DLG5: variants seen among roughly 807,000 people sequenced by gnomAD.
DLG5 encodes disks large homolog 5.
A neutral mutation model predicts 189.8 loss-of-function variants in DLG5; 48 were observed. The observed-to-expected ratio is 0.25, with a 90% CI of 0.20 to 0.32. The LOEUF is 0.32. Ranked by LOEUF, DLG5 falls within the 10% of genes least tolerant of loss-of-function variation. The pLI, the probability that DLG5 is intolerant of heterozygous loss-of-function variation, is 1.00. For synonymous variants in DLG5, 1,016 were observed against 1,054.1 expected, an observed-to-expected ratio of 0.96 and a Z score of 0.70; for missense variants, 2,160 against 2,544.7, an observed-to-expected ratio of 0.85 and a Z score of 3.25.
At chr10:77,929,528 T>G (rs1846767439), upstream of DLG5, 3 of 152,328 alleles carry the variant, frequency 2.0e-5, no homozygotes, top group South Asian at 6.2e-4. Context: ...TGTAATCTAG[T>G]TCAAATGAGG....
At chr10:77,795,728 T>C (rs1366513779) in intron 29 of DLG5, among the ~76,000 whole-genome samples, 1 of 151,968 alleles carries the variant, frequency 6.6e-6, no homozygotes, top group Non-Finnish European at 1.5e-5. Flanking sequence ...GGCACATGCA[T>C]TTGGGGACCC....
chr10:77,871,736 G>T (rs1249463782), intron 1 of DLG5, among the ~76,000 whole-genome samples: 1 of 151,642 alleles, frequency 6.6e-6, no homozygotes, highest in Non-Finnish European at 1.5e-5. Context: ...TAGAGACAGG[G>T]TTTTGCTATG....
At chr10:77,842,241 G>A in intron 6 of DLG5, 48 bp from the exon 7 acceptor site, 1 of 1,568,306 alleles carries the variant, frequency 6.4e-7, no homozygotes. Flanking sequence ...GCCCTGCCCG[G>A]TCAGTGGCCG....
At chr10:77,859,108 T>C (rs1210124228) in intron 2 of DLG5, among the ~76,000 whole-genome samples, 1 of 152,174 alleles carries the variant, frequency 6.6e-6, no homozygotes, top group East Asian at 1.9e-4. Context: ...ACTTCTGAGC[T>C]CAAGGGATCT....
At chr10:77,825,374 C>CCA (rs59102694) in intron 13 of DLG5, among the ~76,000 whole-genome samples, 13,982 of 130,744 alleles carry the variant, frequency 0.11, 832 homozygotes, top group Middle Eastern at 0.12. Flanking sequence ...CCACACACAA[C>CCA]CACACACACA....
At chr10:77,824,025 G>T (rs961682789) in intron 14 of DLG5, among the ~76,000 whole-genome samples, 2 of 152,156 alleles carry the variant, frequency 1.3e-5, no homozygotes, top group Non-Finnish European at 2.9e-5. Flanking sequence ...GAGCAACCAT[G>T]CCCGGCCATG....
rs367631956 is a variant in DLG5, at chr10:77,819,477, C to A, written c.3527-12G>T. 5.0e-6 allele frequency: 8 copies of A among 1,609,480 alleles called. No individual in the cohort carries two copies. Among genetic ancestry groups the A allele is most frequent in the Non-Finnish European group, 5.1e-6 (6 of 1,178,440 alleles). On this transcript the variant is annotated splice_polypyrimidine_tract_variant and intron_variant, in intron 16 of 31. Coordinates refer to ENST00000372391, the MANE Select transcript of DLG5 (RefSeq NM_004747.4). ...CCGGGGAACAGTGCCTAGAAATGGG[C>A]TTGGTGAGAAAAGACGCCCCAAAGG...
chr10:77,856,934 C>T, intron 2 of DLG5, 42 bp from the exon 3 acceptor site: 1 of 1,581,124 alleles, frequency 6.3e-7, no homozygotes, highest in Non-Finnish European at 8.6e-7. Flanking sequence ...GTTCATCTGG[C>T]ATTCACGAGG....
chr10:77,820,198 T>G, intron 15 of DLG5, 180 bp from the exon 16 acceptor site: 2 of 747,386 alleles, frequency 2.7e-6, no homozygotes, highest in Non-Finnish European at 4.1e-6. Flanking sequence ...ATACAAAAAT[T>G]AGCTGGGCAT....
intron 2 of DLG5, among the ~76,000 whole-genome samples, chr10:77,866,341 G>A (rs1403592195): frequency 2.6e-5 from 4 of 152,324 alleles, no homozygotes; most frequent in Non-Finnish European, 5.9e-5. Context: ...ATGCAGCAGG[G>A]GTGGGAGGAG....
At chr10:77,861,488 G>A (rs534272824) in intron 2 of DLG5, among the ~76,000 whole-genome samples, 2 of 152,312 alleles carry the variant, frequency 1.3e-5, no homozygotes, top group African/African-American at 4.8e-5. Context: ...AGGACAGAAG[G>A]AGGGGCTCAG....
At chr10:77,849,033 A>C (rs1843831736) in intron 5 of DLG5, among the ~76,000 whole-genome samples, 1 of 152,216 alleles carries the variant, frequency 6.6e-6, no homozygotes, top group South Asian at 2.1e-4. Flanking sequence ...AAGAAGGTGC[A>C]CTCGGACTGC....
chr10:77,810,917 A>G (rs1841732752), intron 23 of DLG5, among the ~76,000 whole-genome samples, 177 bp downstream of exon 23: 1 of 152,220 alleles, frequency 6.6e-6, no homozygotes, highest in Non-Finnish European at 1.5e-5. Flanking sequence ...AGAAAGGAAA[A>G]GAGAGAGTAG....
Position 77,821,389 on chromosome 10 carries a change from G to A in DLG5, c.3095C>T (p.Ser1032Phe), listed in dbSNP as rs1422422378. ...IKFQHRLETS[S>F]ESEATLVGSS... ...GCCCACCAGAGTGGCTTCTGACTCG[G>A]AGCTAGTCTCCAGCCTGTGCTGGAA... is the stretch of plus-strand genomic sequence containing the variant. Residue 1032 changes from serine (S) to phenylalanine (F), a missense_variant, in exon 15 of 32, where the codon TCC becomes TTC. Coordinates refer to ENST00000372391, the MANE Select transcript of DLG5 (RefSeq NM_004747.4). 1.2e-6 allele frequency: 2 copies of A among 1,612,550 alleles called. No individual in the cohort carries two copies. Among genetic ancestry groups the A allele is most frequent in the Non-Finnish European group, 1.7e-6 (2 of 1,179,944 alleles).
chr10:77,919,819 G>A (rs1030827116), intron 1 of DLG5, among the ~76,000 whole-genome samples: 6 of 151,976 alleles, frequency 3.9e-5, no homozygotes, highest in African/African-American at 9.7e-5. Context: ...CAGACATACC[G>A]TGGGCGGTGA....
At chr10:77,831,007 C>G in intron 9 of DLG5, 134 bp from the exon 10 acceptor site, 2 of 1,128,756 alleles carry the variant, frequency 1.8e-6, no homozygotes, top group Non-Finnish European at 2.4e-6. Context: ...TTCCCAATAA[C>G]TCAGAGTCAG....
At chr10:77,911,196 T>C (rs1846210865) in intron 1 of DLG5, among the ~76,000 whole-genome samples, 1 of 152,032 alleles carries the variant, frequency 6.6e-6, no homozygotes, top group South Asian at 2.1e-4. Flanking sequence ...TGGCCCAATC[T>C]CAGCTCATGC....
At chr10:77,797,757 G>C (rs555518230) in intron 27 of DLG5, among the ~76,000 whole-genome samples, 1 of 152,202 alleles carries the variant, frequency 6.6e-6, no homozygotes, top group Non-Finnish European at 1.5e-5. Flanking sequence ...GGGACCAGGA[G>C]GCAGAAGGCT....
At chr10:77,812,534 C>A (rs1841831612) in intron 20 of DLG5, among the ~76,000 whole-genome samples, 157 bp from the exon 21 acceptor site, 1 of 152,182 alleles carries the variant, frequency 6.6e-6, no homozygotes, top group Admixed American at 6.5e-5. Flanking sequence ...ATGGTGGGCC[C>A]ACCCCTGTGT....
Sources: gnomAD v4.1 joint callset for allele counts (sites outside exome capture counted in the v4.1 genomes callset) on GRCh38, gnomAD v4.1.1 for gene constraint, MANE v1.5 for transcripts, NCBI Gene and HGNC (gene_info 2026-07-23, HGNC 2026-07-21) for gene names.